The following C19orf12 variants were observed in gnomAD, a reference collection of about 807,000 sequenced individuals.
The protein encoded by C19orf12 is chromosome 19 open reading frame 12.
In C19orf12, 2 loss-of-function variants were observed where a neutral mutation model predicts 3.8. The ratio of observed to expected loss-of-function variants is 0.53; its 90% CI spans 0.22 to 1.66. The LOEUF (loss-of-function observed/expected upper bound fraction) is 1.66. C19orf12 is among the 40% of genes most tolerant of loss of function. The probability of loss-of-function intolerance (pLI) is 0.20; values close to 1 mark genes in which losing one functional copy is unlikely to be tolerated. For missense variants in C19orf12, 156 were observed against 188.8 expected (o/e 0.83, Z 1.02); for synonymous variants, 89 against 84.6 (o/e 1.05, Z -0.28).
At chr19:29,713,136 TGA>T (rs1180375578) in intron 1 of C19orf12, among the ~76,000 whole-genome samples, 3 of 152,142 alleles carry the variant, frequency 2.0e-5, no homozygotes, top group Non-Finnish European at 4.4e-5. Context: ...CTCACCAGAT[TGA>T]GAGGGAAGCC....
intron 2 of C19orf12, among the ~76,000 whole-genome samples, chr19:29,705,705 C>T (rs1442661692): frequency 2.0e-5 from 3 of 151,600 alleles, no homozygotes; most frequent in East Asian, 1.9e-4. Flanking sequence ...TTCGTAGAGA[C>T]GGGGTCTCAT....
At chr19:29,704,854 G>A (rs980235807) in intron 2 of C19orf12, among the ~76,000 whole-genome samples, 2 of 152,230 alleles carry the variant, frequency 1.3e-5, no homozygotes, top group Non-Finnish European at 2.9e-5. Flanking sequence ...CCGAGGCCCA[G>A]GACACAGAAG....
In C19orf12 at chr19:29,701,979, T is replaced by C. The variant is rs1245651673; in HGVS notation, c.*733A>G. 1 of 454,094 alleles carries C rather than the reference T, an allele frequency of 2.2e-6. No homozygotes were observed. The highest frequency in any genetic ancestry group is 4.4e-6 in the Non-Finnish European group (1 of 226,790). 28.1% of individuals were successfully genotyped at this position (454,094 alleles called of 1,614,324 possible). On this transcript the variant is annotated 3_prime_UTR_variant, in exon 3 of 3. Coordinates refer to ENST00000323670, the MANE Select transcript of C19orf12 (RefSeq NM_031448.6). ...AGGTGGTCTGGAACTGAACCCACAA[T>C]ATCTCCGAGATATACCTGTACTTTT...
chr19:29,713,948 TTC>T (rs59880727), intron 1 of C19orf12, among the ~76,000 whole-genome samples: 25,456 of 151,596 alleles, frequency 0.17, 3,828 homozygotes, highest in African/African-American at 0.41. Context: ...CTTTCTTTTT[TTC>T]TTTCTTTCCT....
chr19:29,702,791 G>C lies in C19orf12; in HGVS notation c.347C>G (p.Ala116Gly). The change falls in exon 3 of 3, where the codon GCC becomes GGC. Residue 116 changes from alanine to glycine, a missense_variant. Physicochemically the swap from Ala to Gly is moderately conservative, Grantham distance 60. Coordinates refer to ENST00000323670, the MANE Select transcript of C19orf12 (RefSeq NM_031448.6). ...QLTALVMGSE[A>G]LQQQLLAMLV... ...CATGGCCAGCAGCTGCTGCTGCAGGGCCTCGCTGCCCATGACCAGCGCGGT... is the reference window on the plus strand; with the variant it reads ...CATGGCCAGCAGCTGCTGCTGCAGGCCCTCGCTGCCCATGACCAGCGCGGT... 4.3e-6 allele frequency: 7 copies of C among 1,613,844 alleles called. No individual in the cohort carries two copies. The highest frequency in any genetic ancestry group is 5.9e-6 in the Non-Finnish European group (7 of 1,179,904).
intron 1 of C19orf12, among the ~76,000 whole-genome samples, chr19:29,712,942 A>G (rs2145654785): frequency 6.6e-6 from 1 of 152,330 alleles, no homozygotes; most frequent in East Asian, 1.9e-4. Context: ...AGAGGAAGTC[A>G]CTGTGTTTTA....
In C19orf12 at chr19:29,701,738, G is replaced by T; in HGVS notation, c.*974C>A. The T allele has an allele frequency of 2.2e-6, 1 of 451,682 alleles. No individual in the cohort carries two copies. The highest frequency in any genetic ancestry group is 1.6e-5 in the South Asian group (1 of 64,158). 28.0% of individuals were successfully genotyped at this position (451,682 alleles called of 1,614,324 possible). A position where few individuals can be genotyped will look rare whatever the true frequency, so the allele number is the denominator to read the frequency against. On this transcript the variant is annotated 3_prime_UTR_variant, in exon 3 of 3. Transcript: ENST00000323670. ...TTTGTAGCAGCCTGGCATCAGGCAA[G>T]TCTATTTGGCACCATTTTCCAACAG...
rs768443848 is a variant in C19orf12, at chr19:29,700,348, A to T, written c.*2364T>A. 2.2e-6 allele frequency: 1 copy of T among 454,022 alleles called. No homozygotes were observed. Among genetic ancestry groups the T allele is most frequent in the Non-Finnish European group, 4.4e-6 (1 of 226,802 alleles). 28.1% of individuals were successfully genotyped at this position (454,022 alleles called of 1,614,324 possible). ...AAAAAGTGTCCCCCAACTTTGAAGC[A>T]CTGAACCAAACATCTTTGTTGAGGT... On this transcript the variant is annotated 3_prime_UTR_variant, in exon 3 of 3. Transcript: ENST00000323670.
chr19:29,701,579 T>A lies in C19orf12; in HGVS notation c.*1133A>T. 1 of 454,126 alleles carries A rather than the reference T, an allele frequency of 2.2e-6. No homozygotes were observed. Among genetic ancestry groups the A allele is most frequent in the South Asian group, 1.6e-5 (1 of 64,484 alleles). 28.1% of individuals were successfully genotyped at this position (454,126 alleles called of 1,614,324 possible). ...GAGACCACAGTTACGGAGAGCTGAC[T>A]GTACTGGGGAAATCTTTAGGGTAGA... On this transcript the variant is annotated 3_prime_UTR_variant, in exon 3 of 3. Transcript: ENST00000323670.
In C19orf12 at chr19:29,715,111, G is replaced by A. The variant is rs980230817; in HGVS notation, c.-11+14C>T. On this transcript the variant is annotated intron_variant, in intron 1 of 2. Transcript: ENST00000323670. ...CTGGGAGGCGCCCCGCCCCGGCTCC[G>A]GGCGCTCCTTTACCTGGGGGAGCGG... The A allele has an allele frequency of 2.6e-5, 16 of 609,828 alleles. No homozygotes were observed. The highest frequency in any genetic ancestry group is 4.0e-5 in the Non-Finnish European group (14 of 346,476). 37.8% of individuals were successfully genotyped at this position (609,828 alleles called of 1,614,324 possible). A position where few individuals can be genotyped will look rare whatever the true frequency, so the allele number is the denominator to read the frequency against.
rs551281881 is a variant in C19orf12, at chr19:29,701,442, A to G, written c.*1270T>C. 17 of 454,140 alleles carry G rather than the reference A, an allele frequency of 3.7e-5. 1 individual carries two copies. In the East Asian group the frequency reaches 1.1e-3, roughly 30 times the overall value. The allele number at this position is 454,140 out of a possible 1,614,324, so 28.1% of individuals were successfully genotyped here. A position where few individuals can be genotyped will look rare whatever the true frequency, so the allele number is the denominator to read the frequency against. The stretch of plus-strand genomic sequence containing the variant: ...TATAAATGCTATGTAAATATGCTAC[A>G]CCATATTGTTTAGGGAATAATGGCA... On this transcript the variant is annotated 3_prime_UTR_variant, in exon 3 of 3. Transcript: ENST00000323670.
chr19:29,711,241 T>C (rs1483435385), intron 1 of C19orf12, among the ~76,000 whole-genome samples: 3 of 152,142 alleles, frequency 2.0e-5, no homozygotes, highest in East Asian at 1.9e-4. Flanking sequence ...GGTTTCACCA[T>C]GTTGGCCAGG....
intron 1 of C19orf12, among the ~76,000 whole-genome samples, chr19:29,713,632 A>AGTAGGTGGATCCC (rs1972798781): frequency 6.6e-6 from 1 of 152,186 alleles, no homozygotes; most frequent in Non-Finnish European, 1.5e-5. Context: ...TCCCACCAGC[A>AGTAGGTGGATCCC]AACAGTTTTG....
chr19:29,699,072 T>C lies in C19orf12; in HGVS notation c.*3640A>G, dbSNP rs1004485929. 2.2e-6 allele frequency: 1 copy of C among 453,928 alleles called. No individual in the cohort carries two copies. The highest frequency in any genetic ancestry group is 2.4e-5 in the Admixed American group (1 of 42,548). 28.1% of individuals were successfully genotyped at this position (453,928 alleles called of 1,614,324 possible). A position where few individuals can be genotyped will look rare whatever the true frequency, so the allele number is the denominator to read the frequency against. On this transcript the variant is annotated 3_prime_UTR_variant, in exon 3 of 3. Coordinates refer to ENST00000323670, the MANE Select transcript of C19orf12 (RefSeq NM_031448.6). Reference sequence around the variant, plus strand: ...TGGAATATTATGCAGCCATTACAAATATTTACAAGGAATTTTAAATTACAT... The same window carrying C: ...TGGAATATTATGCAGCCATTACAAACATTTACAAGGAATTTTAAATTACAT...
upstream of C19orf12, chr19:29,715,463 G>T (rs955575324): frequency 2.5e-6 from 1 of 396,380 alleles, no homozygotes. Flanking sequence ...GAGACGAGGC[G>T]CCCGGAGAAG....
upstream of C19orf12, chr19:29,715,623 T>G (rs1972919614): frequency 9.8e-6 from 2 of 203,632 alleles, no homozygotes; most frequent in South Asian, 9.7e-5. Flanking sequence ...GGAGGACCCC[T>G]CTCTCCCCGC....
intron 1 of C19orf12, among the ~76,000 whole-genome samples, chr19:29,711,796 G>A (rs1045771029): frequency 4.6e-5 from 7 of 152,080 alleles, no homozygotes; most frequent in African/African-American, 1.4e-4. Context: ...CCTAGCTTCC[G>A]ACCTGCTCCG....
chr19:29,706,890 C>T (rs1287006004), intron 2 of C19orf12, among the ~76,000 whole-genome samples: 1 of 152,244 alleles, frequency 6.6e-6, no homozygotes, highest in African/African-American at 2.4e-5. Flanking sequence ...AGCTCTCTGA[C>T]TCCATCTATG....
At position 29,714,933 on chromosome 19, in the gene C19orf12, TCA is replaced by T. The variant is rs780627572; in HGVS notation, c.-11+190_-11+191del. The stretch of plus-strand genomic sequence containing the variant: ...TGTGTGACTTCAGCCTCTCCATGCC[TCA>T]GTTTCTCCATAGGGACAATGACTAC... On this transcript the variant is annotated intron_variant, in intron 1 of 2. Transcript: ENST00000323670. 6.0e-5 allele frequency: 42 copies of T among 700,230 alleles called. 2 individuals carry two copies. The highest frequency in any genetic ancestry group is 5.8e-4 in the South Asian group (39 of 67,216). 43.4% of individuals were successfully genotyped at this position (700,230 alleles called of 1,614,324 possible). A position where few individuals can be genotyped will look rare whatever the true frequency, so the allele number is the denominator to read the frequency against.
Sources: allele counts gnomAD v4.1 joint callset (sites outside exome capture counted in the v4.1 genomes callset), GRCh38; gene constraint gnomAD v4.1.1; transcripts MANE v1.5; gene names NCBI Gene and HGNC (gene_info 2026-07-23, HGNC 2026-07-21).